The following MAST4 variants were observed in gnomAD, a reference collection of about 807,000 sequenced individuals.
The protein encoded by MAST4 is microtubule associated serine/threonine kinase family member 4.
A neutral mutation model predicts 162.7 loss-of-function variants in MAST4; 89 were observed. That is an observed-to-expected ratio of 0.55 (90% confidence interval 0.46 to 0.65). The LOEUF (loss-of-function observed/expected upper bound fraction) is 0.65, where lower values mean the gene tolerates loss of function less well. MAST4 is among the 30% of genes least tolerant of loss of function. MAST4 has a pLI of 0.00. For synonymous variants in MAST4, 1,479 were observed against 1,361.1 expected, an observed-to-expected ratio of 1.09 and a Z score of -1.91; for missense variants, 3,153 against 3,374.0, an observed-to-expected ratio of 0.93 and a Z score of 1.62.
In MAST4 at chr5:66,780,691, T is replaced by C. The variant is rs182734774; in HGVS notation, c.518-7979T>C. ...TTATTTGGCCCTGCCGATGTCCTGC[T>C]GATTGGTCCATTTTACAGAGTGCTG... is the stretch of plus-strand genomic sequence containing the variant. On this transcript the variant is annotated intron_variant, in intron 2 of 28. Coordinates refer to ENST00000403625, the MANE Select transcript of MAST4 (RefSeq NM_001164664.2). Among the ~76,000 whole-genome samples the C allele has an allele frequency of 2.3e-3, 353 of 152,328 alleles. 7 individuals carry two copies. Among genetic ancestry groups the C allele is most frequent in the Admixed American group, 0.022 (334 of 15,302 alleles).
intron 1 of MAST4, among the ~76,000 whole-genome samples, chr5:66,730,873 A>T (rs1298844657): frequency 6.6e-6 from 1 of 152,126 alleles, no homozygotes; most frequent in African/African-American, 2.4e-5. Flanking sequence ...CCCCCAAAAA[A>T]AATAGGGAAA....
Position 67,165,930 on chromosome 5 carries a change from C to G in MAST4, c.6751C>G (p.Pro2251Ala). 1 of 1,613,402 alleles carries G rather than the reference C, an allele frequency of 6.2e-7. No individual in the cohort carries two copies. Among genetic ancestry groups the G allele is most frequent in the Non-Finnish European group, 8.5e-7 (1 of 1,179,864 alleles). Residue 2251 changes from proline (P) to alanine (A), a missense_variant, in exon 29 of 29, where the codon CCT becomes GCT. This residue lies in a region of MAST4 where 1,644 missense variants were observed against 1,495.0 expected (regional missense o/e 1.10). Transcript: ENST00000403625. ...GHSKSGPDVF[P>A]ATPGSQNKAS... is the part of the protein sequence containing the mutation. ...CAGTAAGAGTGGGCCGGATGTGTTT[C>G]CTGCTACCCCAGGCTCCCAGAACAA...
At chr5:66,850,288 CT>C (rs957341587) in intron 3 of MAST4, among the ~76,000 whole-genome samples, 2 of 152,186 alleles carry the variant, frequency 1.3e-5, no homozygotes, top group Non-Finnish European at 2.9e-5. Context: ...GTTAAGAACA[CT>C]GAATTTCAGA....
In MAST4 at chr5:66,759,820, G is replaced by A. The variant is rs777938317; in HGVS notation, c.475G>A (p.Gly159Arg). 20 of 1,613,884 alleles carry A rather than the reference G, an allele frequency of 1.2e-5. No individual in the cohort carries two copies. The highest frequency in any genetic ancestry group is 2.2e-5 in the East Asian group (1 of 44,864). Reference sequence around the variant, plus strand: ...GTATAAAAGACAGCTGAGTGAGGATGGAAGACAGCTAAGGCGAGGGAGCCT... The same window carrying A: ...GTATAAAAGACAGCTGAGTGAGGATAGAAGACAGCTAAGGCGAGGGAGCCT... ...LKYKRQLSED[G>R]RQLRRGSLGG... is the part of the protein sequence containing the mutation. Residue 159 changes from glycine (G) to arginine (R), a missense_variant, in exon 2 of 29, where the codon GGA (glycine) becomes AGA (arginine). This residue lies in a region of MAST4 where 327 missense variants were observed against 336.5 expected (regional missense o/e 0.97). Coordinates refer to ENST00000403625, the MANE Select transcript of MAST4 (RefSeq NM_001164664.2).
intron 3 of MAST4, among the ~76,000 whole-genome samples, chr5:66,827,065 T>G (rs1272271077): frequency 6.6e-6 from 1 of 152,238 alleles, no homozygotes; most frequent in Non-Finnish European, 1.5e-5. Context: ...CCACCAGCAT[T>G]ACAGATTGCC....
intron 4 of MAST4, among the ~76,000 whole-genome samples, chr5:66,931,675 C>T (rs1466045974): frequency 1.3e-5 from 2 of 152,054 alleles, no homozygotes; most frequent in Non-Finnish European, 2.9e-5. Flanking sequence ...TTTTTTCATG[C>T]AATACCTGGC....
At chr5:66,608,192 G>A (rs182292677) in intron 1 of MAST4, among the ~76,000 whole-genome samples, 60 of 151,370 alleles carry the variant, frequency 4.0e-4, no homozygotes, top group African/African-American at 1.4e-3. Flanking sequence ...CGAGTAGCTG[G>A]GATTACAGGC....
intron 4 of MAST4, among the ~76,000 whole-genome samples, chr5:66,939,531 TTTCTG>T (rs1561462835): frequency 6.6e-6 from 1 of 152,188 alleles, no homozygotes; most frequent in South Asian, 2.1e-4. Flanking sequence ...TAGTTATTCT[TTTCTG>T]AGAAATACCA....
At chr5:66,759,964 C>G (rs1753762445) in intron 2 of MAST4, 102 bp downstream of exon 2, 24 of 1,265,728 alleles carry the variant, frequency 1.9e-5, no homozygotes, top group Non-Finnish European at 2.6e-5. Context: ...AAGAATGGGC[C>G]TGCCTCTGCA....
intron 3 of MAST4, among the ~76,000 whole-genome samples, chr5:66,837,442 C>T (rs1336967658): frequency 6.6e-6 from 1 of 152,018 alleles, no homozygotes; most frequent in African/African-American, 2.4e-5. Flanking sequence ...TTTAACTTTG[C>T]TTTCCTTCAT....
chr5:66,917,259 G>T, intron 4 of MAST4: 1 of 443,738 alleles, frequency 2.3e-6, no homozygotes, highest in Non-Finnish European at 4.0e-6. Flanking sequence ...TTCACTTCAT[G>T]CTTATTTTCA....
chr5:67,056,900 G>A (rs1307768025), intron 5 of MAST4, among the ~76,000 whole-genome samples: 1 of 151,364 alleles, frequency 6.6e-6, no homozygotes, highest in Non-Finnish European at 1.5e-5. Context: ...AGAAGGTTTC[G>A]CCCTGTTGGC....
intron 1 of MAST4, among the ~76,000 whole-genome samples, chr5:66,683,599 T>G (rs1052939082): frequency 4.6e-5 from 7 of 152,190 alleles, no homozygotes; most frequent in African/African-American, 1.7e-4. Flanking sequence ...TCTATTGTCA[T>G]GCTGGCATTT....
intron 1 of MAST4, among the ~76,000 whole-genome samples, chr5:66,600,988 A>G (rs1366476541): frequency 6.6e-6 from 1 of 152,226 alleles, no homozygotes; most frequent in African/African-American, 2.4e-5. Context: ...CTTATTAACA[A>G]TAGGCTTACA....
chr5:67,080,277 CT>C (rs2150733793), intron 5 of MAST4, among the ~76,000 whole-genome samples: 1 of 152,252 alleles, frequency 6.6e-6, no homozygotes, highest in African/African-American at 2.4e-5. Flanking sequence ...AAATATGTGC[CT>C]TTTATGTACC....
chr5:66,598,521 C>G (rs1441766755), intron 1 of MAST4, among the ~76,000 whole-genome samples: 3 of 152,200 alleles, frequency 2.0e-5, no homozygotes, highest in Non-Finnish European at 4.4e-5. Context: ...AGAGCTACAT[C>G]CTAGCGGAGA....
chr5:66,859,572 G>A (rs1330408299), intron 3 of MAST4, among the ~76,000 whole-genome samples: 1 of 152,048 alleles, frequency 6.6e-6, no homozygotes, highest in African/African-American at 2.4e-5. Context: ...CAGATTAAGG[G>A]GCATCTGTAT....
At chr5:66,648,214 T>G (rs1278811441) in intron 1 of MAST4, among the ~76,000 whole-genome samples, 5 of 151,982 alleles carry the variant, frequency 3.3e-5, no homozygotes, top group African/African-American at 1.2e-4. Context: ...TAGATACCAG[T>G]CATTTTAGGG....
chr5:66,644,126 G>T (rs1283854318), intron 1 of MAST4, among the ~76,000 whole-genome samples: 1 of 150,454 alleles, frequency 6.6e-6, no homozygotes, highest in African/African-American at 2.5e-5. Flanking sequence ...AGTCCAGTTT[G>T]ACTTGATTTT....
Sources: gnomAD v4.1 joint callset for allele counts (sites outside exome capture counted in the v4.1 genomes callset) on GRCh38, gnomAD v4.1.1 for gene constraint, gnomAD v4.1.1 regional missense constraint, MANE v1.5 for transcripts, NCBI Gene and HGNC (gene_info 2026-07-23, HGNC 2026-07-21) for gene names.